Variants in SSC5D observed in about 807,000 individuals in gnomAD.
SSC5D encodes the protein soluble scavenger receptor cysteine-rich domain-containing protein SSC5D.
Under a neutral mutation model 104.6 loss-of-function variants are expected in SSC5D, and 106 were observed. That is an observed-to-expected ratio of 1.01 (90% confidence interval 0.87 to 1.19). The LOEUF (loss-of-function observed/expected upper bound fraction) is 1.19, where lower values mean the gene tolerates loss of function less well. Among genes scored for constraint, SSC5D ranks in the 50% most tolerant of loss-of-function variants. SSC5D has a pLI of 0.00. For missense variants in SSC5D, 1,993 were observed against 2,153.8 expected, an observed-to-expected ratio of 0.93 and a Z score of 1.48; for synonymous variants, 860 against 883.5, an observed-to-expected ratio of 0.97 and a Z score of 0.47.
Position 55,490,317 on chromosome 19 carries a change from C to A in SSC5D, c.495C>A (p.Asn165Lys). Reference sequence around the variant, plus strand: ...TCCCAGCCCCCCGCCCAGCTGGGAACCCCCAGAACGCCTCCCGGAAGAAGA... The same window carrying A: ...TCCCAGCCCCCCGCCCAGCTGGGAAACCCCAGAACGCCTCCCGGAAGAAGA... ...LVTHAPRPAG[N>K]PQNASRKKSP... is the part of the protein sequence containing the mutation. Residue 165 changes from asparagine (N) to lysine (K), a missense_variant, in exon 5 of 14, where the codon AAC (asparagine) becomes AAA (lysine). Asn to Lys is a moderately conservative substitution (Grantham distance 94, BLOSUM62 0). Coordinates refer to ENST00000389623, the MANE Select transcript of SSC5D (RefSeq NM_001144950.2). 6 of 1,379,796 alleles carry A rather than the reference C, an allele frequency of 4.3e-6. No individual in the cohort carries two copies. The highest frequency in any genetic ancestry group is 4.0e-6 in the Non-Finnish European group (4 of 996,432). 85.5% of individuals were successfully genotyped at this position (1,379,796 alleles called of 1,614,324 possible).
rs1026618090 is a variant in SSC5D, at chr19:55,500,734, C to T, written c.2547C>T (p.Ser849=). The change falls in exon 11 of 14, where the codon AGC becomes AGT. Residue 849 remains serine (S), a synonymous_variant. Transcript: ENST00000389623. This position sits in a 1 kb window ranked among gnomAD's most constrained non-coding sequence, Gnocchi z 4.6. ...GTAAGGGAAGCGAGGCCTCACTGAG[C>T]GACTGCCCCTCGGGGGCTTGGGGGA... ...MGCKGSEASL[S]DCPSGAWGKH... 14 of 1,551,620 alleles carry T rather than the reference C, an allele frequency of 9.0e-6. No homozygotes were observed. Among genetic ancestry groups the T allele is most frequent in the African/African-American group, 4.1e-5 (3 of 73,126 alleles).
rs1216002423 is a variant in SSC5D at position 55,503,689 on chromosome 19, G to A, written c.2785+2488G>A. Among the ~76,000 whole-genome samples the A allele has an allele frequency of 6.6e-6, 1 of 151,630 alleles. No homozygotes were observed. Among genetic ancestry groups the A allele is most frequent in the African/African-American group, 2.4e-5 (1 of 41,310 alleles). On this transcript the variant is annotated intron_variant, in intron 12 of 13. Coordinates refer to ENST00000389623, the MANE Select transcript of SSC5D (RefSeq NM_001144950.2). This position sits in a 1 kb window ranked among gnomAD's most constrained non-coding sequence, Gnocchi z 4.0. ...TCTTCTCCCTCCCTTCCACTCTCCC[G>A]CCCTGCTCGCCGTCTGGGGCTGCCT...
chr19:55,516,797 G>A (rs1351548614), intron 13 of SSC5D, among the ~76,000 whole-genome samples: 1 of 151,874 alleles, frequency 6.6e-6, no homozygotes, highest in East Asian at 1.9e-4. Context: ...ATTACCCTTC[G>A]GAGCCCTCTT....
chr19:55,490,421 C>A lies in SSC5D; in HGVS notation c.586+13C>A. On this transcript the variant is annotated intron_variant, in intron 5 of 13. Transcript: ENST00000389623. ...GCCCCCCGCCAAGGTAAGCTCCCTG[C>A]AGGCTCCCCCGACCCCAAGGCTGGT... The A allele has an allele frequency of 1.1e-5, 10 of 899,472 alleles. No individual in the cohort carries two copies. The highest frequency in any genetic ancestry group is 1.7e-5 in the Non-Finnish European group (10 of 605,654). 55.7% of individuals were successfully genotyped at this position (899,472 alleles called of 1,614,324 possible).
chr19:55,517,491 C>T lies in SSC5D; in HGVS notation c.3215C>T (p.Ser1072Phe). ...LILTSPDFAL[S>F]TPDSSVVPAL... ...TTGACAAGCCCTGACTTTGCTTTGT[C>T]CACCCCTGACTCCAGTGTGGTTCCC... The change falls in exon 14 of 14, where the codon TCC (serine) becomes TTC (phenylalanine). Residue 1072 changes from serine (S) to phenylalanine (F), a missense_variant. Ser to Phe is a radical substitution (Grantham distance 155, BLOSUM62 -2). This residue lies in a region of SSC5D where 423 missense variants were observed against 409.2 expected (regional missense o/e 1.03). Coordinates refer to ENST00000389623, the MANE Select transcript of SSC5D (RefSeq NM_001144950.2). The T allele has an allele frequency of 6.4e-7, 1 of 1,551,394 alleles. No homozygotes were observed. Among genetic ancestry groups the T allele is most frequent in the Non-Finnish European group, 8.7e-7 (1 of 1,147,012 alleles).
chr19:55,499,621 T>C, intron 9 of SSC5D, among the ~76,000 whole-genome samples, 195 bp from the exon 10 acceptor site: 1 of 152,170 alleles, frequency 6.6e-6, no homozygotes, highest in Non-Finnish European at 1.5e-5. Flanking sequence ...CGGGTTTGGC[T>C]TGCCATAGGC....
intron 7 of SSC5D, 82 bp downstream of exon 7, chr19:55,493,994 G>GGGGGGGGGGC: frequency 1.4e-5 from 2 of 143,314 alleles, no homozygotes; most frequent in Admixed American, 8.5e-5. Flanking sequence ...GGGCGGGGGG[G>GGGGGGGGGGC]TCCCTACGCG....
At chr19:55,512,117 T>C (rs149422587) in intron 12 of SSC5D, among the ~76,000 whole-genome samples, 2,261 of 151,334 alleles carry the variant, frequency 0.015, 59 homozygotes, top group African/African-American at 0.051. Context: ...GGAGAATCAC[T>C]TGACCCCGGG....
At chr19:55,489,058 GC>G (rs1446575304) in intron 2 of SSC5D, 26 bp downstream of exon 2, 119 of 1,203,636 alleles carry the variant, frequency 9.9e-5, no homozygotes, top group Non-Finnish European at 1.2e-4. Flanking sequence ...CCTCCCATCT[GC>G]CCGCCCCCCC....
intron 7 of SSC5D, 82 bp downstream of exon 7, chr19:55,493,994 G>GCCCCCCCCCC: frequency 7.0e-6 from 1 of 143,312 alleles, no homozygotes; most frequent in Middle Eastern, 2.7e-3. Context: ...GGGCGGGGGG[G>GCCCCCCCCCC]TCCCTACGCG....
rs1599931876 is a variant in SSC5D at position 55,517,759 on chromosome 19, T to C, written c.3483T>C (p.Pro1161=). 1.7e-6 allele frequency: 2 copies of C among 1,195,946 alleles called. No individual in the cohort carries two copies. The highest frequency in any genetic ancestry group is 2.1e-6 in the Non-Finnish European group (2 of 932,256). The allele number at this position is 1,195,946 out of a possible 1,614,324, so 74.1% of individuals were successfully genotyped here. Reference sequence around the variant, plus strand: ...CTACCCCTGATCCCACCATGGCCCCTGACCCCATCACAACCCTTAACCCTA... The same window carrying C: ...CTACCCCTGATCCCACCATGGCCCCCGACCCCATCACAACCCTTAACCCTA... ...PTTTPDPTMA[P]DPITTLNPTV... Residue 1161 remains proline, a synonymous_variant, in exon 14 of 14, where the codon CCT becomes CCC. Coordinates refer to ENST00000389623, the MANE Select transcript of SSC5D (RefSeq NM_001144950.2).
chr19:55,492,275 CACAG>C, intron 6 of SSC5D: 1 of 152,256 alleles, frequency 6.6e-6, no homozygotes, highest in East Asian at 1.9e-4. Context: ...TGTCCCACTG[CACAG>C]TCGGCCATAG....
At chr19:55,510,959 C>T (rs1042482592) in intron 12 of SSC5D, among the ~76,000 whole-genome samples, 2 of 151,646 alleles carry the variant, frequency 1.3e-5, no homozygotes, top group Admixed American at 6.6e-5. Flanking sequence ...TTGTATTTTT[C>T]GTAGAGACAG....
chr19:55,489,058 GCCCGCCC>G, intron 2 of SSC5D, 26 bp downstream of exon 2: 2 of 1,203,768 alleles, frequency 1.7e-6, no homozygotes, highest in Non-Finnish European at 2.1e-6. Flanking sequence ...CCTCCCATCT[GCCCGCCC>G]CCCCCCCCAG....
chr19:55,502,767 G>A (rs10469310), intron 12 of SSC5D, among the ~76,000 whole-genome samples: 1 of 151,394 alleles, frequency 6.6e-6, no homozygotes, highest in African/African-American at 2.4e-5. Context: ...GTGATCCTCC[G>A]ACCTCAGCCT....
chr19:55,495,233 A>ATATATATTTT (rs1555765051), intron 8 of SSC5D, among the ~76,000 whole-genome samples: 1 of 50,664 alleles, frequency 2.0e-5, no homozygotes, highest in African/African-American at 9.8e-5. Flanking sequence ...ATATATATAT[A>ATATATATTTT]TTTTTTTTTT....
Position 55,493,767 on chromosome 19 carries a change from C to T in SSC5D, c.1068C>T (p.Gly356=). 7.2e-6 allele frequency: 11 copies of T among 1,530,244 alleles called. No homozygotes were observed. Among genetic ancestry groups the T allele is most frequent in the South Asian group, 1.2e-5 (1 of 82,462 alleles). The allele number at this position is 1,530,244 out of a possible 1,614,324, so 94.8% of individuals were successfully genotyped here. A position where few individuals can be genotyped will look rare whatever the true frequency, so the allele number is the denominator to read the frequency against. The change falls in exon 7 of 14, where the codon GGC becomes GGT. Residue 356 remains glycine, a synonymous_variant. Coordinates refer to ENST00000389623, the MANE Select transcript of SSC5D (RefSeq NM_001144950.2). The stretch of plus-strand genomic sequence containing the variant: ...GAGGGGCGCTGGCCGCCCCCGGGGG[C>T]GCCTTCTTTGGGGAGGGGTCTGGAC... The part of the protein sequence containing the change: ...GCGGALAAPG[G]AFFGEGSGPI...
chr19:55,498,289 C>A, intron 9 of SSC5D, 92 bp downstream of exon 9: 1 of 1,348,282 alleles, frequency 7.4e-7, no homozygotes, highest in South Asian at 1.3e-5. Context: ...TGAGTGCTTC[C>A]TAAGCCCCAG....
intron 6 of SSC5D, chr19:55,492,452 G>A (rs1342316596): frequency 1.3e-5 from 2 of 152,196 alleles, no homozygotes; most frequent in Admixed American, 6.5e-5. Flanking sequence ...CTGGAGAGGA[G>A]AGGGTGAAGG....
Sources: allele counts gnomAD v4.1 joint callset (sites outside exome capture counted in the v4.1 genomes callset), GRCh38; gene constraint gnomAD v4.1.1; regional missense constraint gnomAD v4.1.1; non-coding constraint Gnocchi (gnomAD v3.1); transcripts MANE v1.5; gene names NCBI Gene and HGNC (gene_info 2026-07-23, HGNC 2026-07-21).